Variants in ACIN1 observed in about 807,000 individuals in gnomAD.
The protein encoded by ACIN1 is apoptotic chromatin condensation inducer in the nucleus.
A neutral mutation model predicts 146.6 loss-of-function variants in ACIN1; 16 were observed. That is an observed-to-expected ratio of 0.11 (90% confidence interval 0.07 to 0.17). ACIN1 has a LOEUF of 0.17. Ranked by LOEUF, ACIN1 falls within the 10% of genes least tolerant of loss-of-function variation. The pLI, the probability that ACIN1 is intolerant of heterozygous loss-of-function variation, is 1.00. For synonymous variants in ACIN1, 569 were observed against 582.7 expected (o/e 0.98, Z 0.34); for missense variants, 1,357 against 1,609.3 (o/e 0.84, Z 2.68).
intron 1 of ACIN1, chr14:23,094,601 C>T (rs1161810154): frequency 1.1e-6 from 1 of 929,228 alleles, no homozygotes; most frequent in Non-Finnish European, 1.3e-6. Flanking sequence ...AACTCCGACC[C>T]AGCCCAACTC....
chr14:23,062,799 C>G, intron 14 of ACIN1, 130 bp downstream of exon 14: 2 of 1,127,596 alleles, frequency 1.8e-6, no homozygotes, highest in Non-Finnish European at 2.5e-6. Flanking sequence ...TTAAGTAACT[C>G]ACTCAAGATC....
chr14:23,085,975 G>C (rs1170638225), intron 4 of ACIN1, among the ~76,000 whole-genome samples: 1 of 152,238 alleles, frequency 6.6e-6, no homozygotes, highest in East Asian at 1.9e-4. Context: ...ATATATTAAA[G>C]TGCAGAATGT....
At position 23,090,643 on chromosome 14, in the gene ACIN1, G is replaced by C; in HGVS notation, c.205-10C>G. Reference sequence around the variant, plus strand: ...TCATTTCCTCACCAATCTGTGTAGAGGAAATGAAAACAGAGGGTCTAGGAA... The same window carrying C: ...TCATTTCCTCACCAATCTGTGTAGACGAAATGAAAACAGAGGGTCTAGGAA... On this transcript the variant is annotated splice_polypyrimidine_tract_variant and intron_variant, in intron 2 of 18. Coordinates refer to ENST00000605057, the MANE Select transcript of ACIN1 (RefSeq NM_001386863.1). 6.2e-7 allele frequency: 1 copy of C among 1,607,432 alleles called. No homozygotes were observed. The highest frequency in any genetic ancestry group is 1.1e-5 in the South Asian group (1 of 90,612).
At position 23,071,462 on chromosome 14, in the gene ACIN1, G is replaced by A. The variant is rs766662050; in HGVS notation, c.2124-1845C>T. The A allele has an allele frequency of 3.4e-5, 53 of 1,551,632 alleles. 2 individuals are homozygous for A. The South Asian group carries it at 6.1e-4, about 18-fold the overall frequency. On this transcript the variant is annotated intron_variant, in intron 8 of 18. Coordinates refer to ENST00000605057, the MANE Select transcript of ACIN1 (RefSeq NM_001386863.1). The stretch of plus-strand genomic sequence containing the variant: ...GAGTTCGGCTGGATTGGTCTCTCTG[G>A]AGAAGGAGGAAGAGGGCCAGGCTGC...
chr14:23,063,238 T>A (rs2047344054), intron 13 of ACIN1, 164 bp from the exon 14 acceptor site: 2 of 1,102,114 alleles, frequency 1.8e-6, no homozygotes, highest in East Asian at 2.5e-5. Flanking sequence ...TAGGCTAACC[T>A]CCTCATCATG....
chr14:23,087,476 T>C (rs1472394363), intron 4 of ACIN1, among the ~76,000 whole-genome samples: 11 of 144,582 alleles, frequency 7.6e-5, no homozygotes, highest in Admixed American at 6.9e-5. Flanking sequence ...GTTTTTTTTT[T>C]CCTCCATCAA....
chr14:23,065,763 G>T (rs1384448256), intron 10 of ACIN1, among the ~76,000 whole-genome samples: 1 of 152,196 alleles, frequency 6.6e-6, no homozygotes, highest in Non-Finnish European at 1.5e-5. Context: ...AAATGTGACT[G>T]GAGCAATATG....
At chr14:23,071,626 A>C (rs2047658253) in intron 8 of ACIN1, 1 of 1,456,518 alleles carries the variant, frequency 6.9e-7, no homozygotes, top group Admixed American at 2.2e-5. Context: ...AGGGGAAAGA[A>C]AAGAGGGAGG....
At chr14:23,059,856 G>A (rs913607827) in intron 18 of ACIN1, among the ~76,000 whole-genome samples, 6 of 151,276 alleles carry the variant, frequency 4.0e-5, no homozygotes, top group South Asian at 2.1e-4. Context: ...GGGCTTCACC[G>A]TTGTTAGCCA....
intron 4 of ACIN1, among the ~76,000 whole-genome samples, chr14:23,083,657 A>G (rs1201890175): frequency 1.3e-5 from 2 of 152,028 alleles, no homozygotes; most frequent in African/African-American, 4.8e-5. Flanking sequence ...TGAACCTGGG[A>G]GGCGGAGCTT....
intron 9 of ACIN1, chr14:23,069,034 G>T: frequency 1.0e-6 from 1 of 987,116 alleles, no homozygotes; most frequent in Non-Finnish European, 1.2e-6. Context: ...GAGGGCAGAG[G>T]AGGAACAAAA....
At chr14:23,071,399 T>C (rs931978637) in intron 8 of ACIN1, 4 of 1,551,272 alleles carry the variant, frequency 2.6e-6, no homozygotes, top group Non-Finnish European at 3.5e-6. Flanking sequence ...CAGATCTGGC[T>C]TTTAAGAGAT....
At position 23,079,715 on chromosome 14, in the gene ACIN1, A is replaced by G. The variant is rs2047893564; in HGVS notation, c.1620T>C (p.Ser540=). Residue 540 remains serine, a synonymous_variant, in exon 6 of 19, where the codon AGT becomes AGC. Coordinates refer to ENST00000605057, the MANE Select transcript of ACIN1 (RefSeq NM_001386863.1). The part of the protein sequence containing the change: ...SSRSRSRSPD[S]SGSRSHSPLR... The stretch of plus-strand genomic sequence containing the variant: ...GCGGTGAATGAGACCGAGAACCTGA[A>G]CTGTCAGGAGAGCGAGATCTTGATC... 1.2e-6 allele frequency: 2 copies of G among 1,613,982 alleles called. No homozygotes were observed. The highest frequency in any genetic ancestry group is 1.7e-6 in the Non-Finnish European group (2 of 1,180,008).
intron 8 of ACIN1, chr14:23,071,458 T>C: frequency 1.9e-6 from 3 of 1,551,718 alleles, no homozygotes; most frequent in Non-Finnish European, 2.6e-6. Context: ...GATTGGTCTC[T>C]CTGGAGAAGG....
intron 8 of ACIN1, among the ~76,000 whole-genome samples, chr14:23,077,629 T>G (rs1466116858): frequency 6.6e-6 from 1 of 152,238 alleles, no homozygotes; most frequent in Non-Finnish European, 1.5e-5. Context: ...ACTTCTGACT[T>G]GAAAGGAACT....
In ACIN1 at chr14:23,064,498, A is replaced by C. The variant is rs767450696; in HGVS notation, c.2309-10T>G. Reference sequence around the variant, plus strand: ...ACCCCCTTGGTAGCTGCTGTCCCCAAGAAATAGACCCAACAGTTAGATGGT... The same window carrying C: ...ACCCCCTTGGTAGCTGCTGTCCCCACGAAATAGACCCAACAGTTAGATGGT... On this transcript the variant is annotated splice_polypyrimidine_tract_variant and intron_variant, in intron 10 of 18. Coordinates refer to ENST00000605057, the MANE Select transcript of ACIN1 (RefSeq NM_001386863.1). 5 of 1,613,798 alleles carry C rather than the reference A, an allele frequency of 3.1e-6. No individual in the cohort carries two copies. The Admixed American group carries it at 8.3e-5, about 27-fold the overall frequency.
Position 23,061,288 on chromosome 14 carries a change from A to G in ACIN1, c.3424+10T>C. 1 of 1,613,752 alleles carries G rather than the reference A, an allele frequency of 6.2e-7. No individual in the cohort carries two copies. The highest frequency in any genetic ancestry group is 1.1e-5 in the South Asian group (1 of 91,064). On this transcript the variant is annotated intron_variant, in intron 17 of 18. Coordinates refer to ENST00000605057, the MANE Select transcript of ACIN1 (RefSeq NM_001386863.1). Reference sequence around the variant, plus strand: ...TAGTGGGTATGCGTACCCCATAGCTAAGTACCTACCTTTCTTCTCACTCTT... The same window carrying G: ...TAGTGGGTATGCGTACCCCATAGCTGAGTACCTACCTTTCTTCTCACTCTT...
intron 8 of ACIN1, chr14:23,071,026 CAAAACG>C: frequency 7.2e-7 from 1 of 1,392,578 alleles, no homozygotes; most frequent in Non-Finnish European, 9.9e-7. Context: ...GAAAACAAAC[CAAAACG>C]AAAGACGGAA....
Position 23,067,816 on chromosome 14 carries a change from G to A in ACIN1, c.2265+1660C>T, listed in dbSNP as rs150702576. The A allele has an allele frequency of 6.5e-5, 64 of 985,846 alleles. No homozygotes were observed. Among genetic ancestry groups the A allele is most frequent in the African/African-American group, 5.4e-4 (31 of 57,338 alleles). The allele number at this position is 985,846 out of a possible 1,614,324, so 61.1% of individuals were successfully genotyped here. On this transcript the variant is annotated intron_variant, in intron 9 of 18. Coordinates refer to ENST00000605057, the MANE Select transcript of ACIN1 (RefSeq NM_001386863.1). This position sits in a 1 kb window ranked among gnomAD's most constrained non-coding sequence, Gnocchi z 4.6. The stretch of plus-strand genomic sequence containing the variant: ...TTTCTCCTCTGCCTGTAACTGGGGA[G>A]GGGGTCCTCTCACCGAGTGGGATCA...
Sources: allele counts gnomAD v4.1 joint callset (sites outside exome capture counted in the v4.1 genomes callset), GRCh38; gene constraint gnomAD v4.1.1; non-coding constraint Gnocchi (gnomAD v3.1); transcripts MANE v1.5; gene names NCBI Gene and HGNC (gene_info 2026-07-23, HGNC 2026-07-21).